TMEM74: variants seen among roughly 807,000 people sequenced by gnomAD.
The protein encoded by TMEM74 is transmembrane protein 74.
A neutral mutation model predicts 18.1 loss-of-function variants in TMEM74; 13 were observed. That is an observed-to-expected ratio of 0.72 (90% CI 0.47 to 1.14). The LOEUF is 1.14. Among genes scored for constraint, TMEM74 ranks in the 50% most tolerant of loss-of-function variants. The pLI is 0.00. For synonymous variants in TMEM74, 159 were observed against 146.6 expected, an observed-to-expected ratio of 1.08 and a Z score of -0.61; for missense variants, 372 against 375.9, an observed-to-expected ratio of 0.99 and a Z score of 0.09.
intron 1 of TMEM74, among the ~76,000 whole-genome samples, chr8:108,737,885 C>T (rs1813763755): frequency 6.6e-6 from 1 of 152,146 alleles, no homozygotes; most frequent in Non-Finnish European, 1.5e-5. Context: ...GAGACCATTT[C>T]AAAAAGTAGC....
intron 1 of TMEM74, among the ~76,000 whole-genome samples, chr8:108,725,294 T>C (rs1028262305): frequency 7.2e-5 from 11 of 152,326 alleles, no homozygotes; most frequent in Admixed American, 5.2e-4. Flanking sequence ...GCTATTTGTT[T>C]ATCTTTGTGT....
At chr8:108,758,321 T>C (rs1235102520) in intron 1 of TMEM74, among the ~76,000 whole-genome samples, 1 of 151,998 alleles carries the variant, frequency 6.6e-6, no homozygotes, top group African/African-American at 2.4e-5. Context: ...AAAATTTATA[T>C]CCTCTGTGAA....
intron 2 of TMEM74, among the ~76,000 whole-genome samples, chr8:108,633,316 A>C (rs1333111427): frequency 2.0e-5 from 3 of 152,056 alleles, no homozygotes; most frequent in Non-Finnish European, 4.4e-5. Context: ...TCACTGGCTC[A>C]GGAGAAATTT....
intron 1 of TMEM74, among the ~76,000 whole-genome samples, chr8:108,686,279 AGC>A: frequency 6.6e-6 from 1 of 152,198 alleles, no homozygotes; most frequent in African/African-American, 2.4e-5. Context: ...GCTCACTGCA[AGC>A]TCCACCTCCT....
intron 2 of TMEM74, among the ~76,000 whole-genome samples, chr8:108,642,589 G>A (rs3019400): frequency 0.22 from 33,303 of 151,978 alleles, 3,681 homozygotes; most frequent in East Asian, 0.28. Flanking sequence ...CAACAAATTT[G>A]TGTAATAGGT....
intron 1 of TMEM74, among the ~76,000 whole-genome samples, chr8:108,718,974 A>ATATATATACG (rs1554574836): frequency 1.3e-5 from 2 of 149,310 alleles, no homozygotes; most frequent in East Asian, 2.0e-4. Context: ...GTGTGTGTAT[A>ATATATATACG]TATATATACG....
intron 1 of TMEM74, among the ~76,000 whole-genome samples, chr8:108,758,576 T>C (rs1273111424): frequency 6.6e-6 from 1 of 152,048 alleles, no homozygotes. Context: ...CAATATTAAG[T>C]ACTGTGGAGG....
At chr8:108,688,242 C>T (rs1318408158) in intron 1 of TMEM74, among the ~76,000 whole-genome samples, 1 of 152,212 alleles carries the variant, frequency 6.6e-6, no homozygotes, top group Non-Finnish European at 1.5e-5. Context: ...TTGACATTAT[C>T]TTTCAAACTA....
At chr8:108,687,419 AC>A (rs1644089751) in intron 1 of TMEM74, among the ~76,000 whole-genome samples, 1 of 151,978 alleles carries the variant, frequency 6.6e-6, no homozygotes, top group Admixed American at 6.6e-5. Context: ...GCAGTCCCCA[AC>A]CTTTTTGACA....
intron 1 of TMEM74, among the ~76,000 whole-genome samples, chr8:108,675,820 T>A (rs1813051021): frequency 6.6e-6 from 1 of 152,228 alleles, no homozygotes; most frequent in Admixed American, 6.5e-5. Context: ...TATCCACAGT[T>A]ACTAAAACAT....
chr8:108,655,608 T>C (rs997027944), intron 1 of TMEM74, among the ~76,000 whole-genome samples: 2 of 152,158 alleles, frequency 1.3e-5, no homozygotes, highest in African/African-American at 4.8e-5. Flanking sequence ...ATGGAAATTC[T>C]CTTTTACTCC....
rs1393049450 is a variant in TMEM74 at position 108,784,579 on chromosome 8, T to C, written c.520A>G (p.Ile174Val). 2 of 1,614,132 alleles carry C rather than the reference T, an allele frequency of 1.2e-6. No homozygotes were observed. Among genetic ancestry groups the C allele is most frequent in the South Asian group, 1.1e-5 (1 of 91,080 alleles). The change falls in exon 2 of 2, where the codon ATA becomes GTA. Residue 174 changes from isoleucine to valine, a missense_variant. Coordinates refer to ENST00000297459, the MANE Select transcript of TMEM74 (RefSeq NM_153015.3). ...SSEATSSGKSIDYGFISAILF... is the reference protein window; with the variant it reads ...SSEATSSGKSVDYGFISAILF... Reference sequence around the variant, plus strand: ...ATGGCGCTGATGAAACCATAGTCTATAGACTTCCCTGAAGACGTGGCTTCT... The same window carrying C: ...ATGGCGCTGATGAAACCATAGTCTACAGACTTCCCTGAAGACGTGGCTTCT...
chr8:108,673,364 A>G (rs1157554078), intron 1 of TMEM74, among the ~76,000 whole-genome samples: 1 of 152,152 alleles, frequency 6.6e-6, no homozygotes, highest in African/African-American at 2.4e-5. Context: ...TTGTCACATG[A>G]TCTCAGACAC....
At chr8:108,706,170 T>G (rs1284872151) in intron 1 of TMEM74, among the ~76,000 whole-genome samples, 11 of 152,234 alleles carry the variant, frequency 7.2e-5, no homozygotes, top group Admixed American at 7.2e-4. Context: ...CCCAAATATT[T>G]GCTATTTTTT....
At chr8:108,638,939 T>C (rs1281701434) in intron 2 of TMEM74, among the ~76,000 whole-genome samples, 3 of 152,168 alleles carry the variant, frequency 2.0e-5, no homozygotes, top group Non-Finnish European at 4.4e-5. Context: ...AAGTGGAGAC[T>C]TGAAAAAGTG....
chr8:108,705,535 G>C (rs1028248780), intron 1 of TMEM74, among the ~76,000 whole-genome samples: 4 of 152,070 alleles, frequency 2.6e-5, no homozygotes, highest in African/African-American at 9.7e-5. Context: ...AGCCCAGCTG[G>C]CACTAGGCTT....
rs1168245451 is a variant in TMEM74 at position 108,641,184 on chromosome 8, CT to C, written n.264+14108del. ...TAGAGAAGGTAAGTAGCTATTTGTCCTTTTGAAGTTGGCAGGTAGATTGATT... is the reference window on the plus strand; with the variant it reads ...TAGAGAAGGTAAGTAGCTATTTGTCCTTTGAAGTTGGCAGGTAGATTGATT... On this transcript the variant is annotated intron_variant and non_coding_transcript_variant, in intron 2 of 3. Transcript: ENST00000518838. Among the ~76,000 whole-genome samples, 4 of 152,048 alleles carry C rather than the reference CT, an allele frequency of 2.6e-5. No individual in the cohort carries two copies. In the South Asian group the frequency reaches 6.2e-4, roughly 24 times the overall value.
At chr8:108,657,862 ATATATATATAT>A (rs1563742275) in intron 1 of TMEM74, among the ~76,000 whole-genome samples, 1,102 of 48,286 alleles carry the variant, frequency 0.023, 55 homozygotes, top group Non-Finnish European at 0.026. Flanking sequence ...AAAAAAAAAT[ATATATATATAT>A]ATATATATAT....
At chr8:108,778,450 G>A (rs1382648996), downstream of TMEM74, among the ~76,000 whole-genome samples, 7 of 152,136 alleles carry the variant, frequency 4.6e-5, no homozygotes, top group Admixed American at 1.3e-4. Flanking sequence ...GCATCACTTA[G>A]CTTATTCCGA....
Sources: gnomAD v4.1 joint callset for allele counts (sites outside exome capture counted in the v4.1 genomes callset) on GRCh38, gnomAD v4.1.1 for gene constraint, MANE v1.5 for transcripts, NCBI Gene and HGNC (gene_info 2026-07-23, HGNC 2026-07-21) for gene names.